MYT1L: variants seen among roughly 807,000 people sequenced by gnomAD.
MYT1L encodes myelin transcription factor 1-like protein.
In MYT1L, 12 loss-of-function variants were observed where a neutral mutation model predicts 126.7. The ratio of observed to expected loss-of-function variants is 0.09; its 90% CI spans 0.06 to 0.15. MYT1L has a LOEUF of 0.15. Ranked by LOEUF, MYT1L falls within the 10% of genes least tolerant of loss-of-function variation. The probability of loss-of-function intolerance (pLI) is 1.00; values close to 1 mark genes in which losing one functional copy is unlikely to be tolerated. For synonymous variants in MYT1L, 541 were observed against 604.2 expected, an observed-to-expected ratio of 0.90 and a Z score of 1.53; for missense variants, 979 against 1,585.2, an observed-to-expected ratio of 0.62 and a Z score of 6.49.
intron 18 of MYT1L, among the ~76,000 whole-genome samples, chr2:1,882,770 T>TG (rs1479183338): frequency 2.0e-5 from 3 of 152,208 alleles, no homozygotes; most frequent in African/African-American, 7.2e-5. Context: ...CAGGAGAGCC[T>TG]GGTAAATAAT....
In MYT1L at chr2:1,793,139, T is replaced by C. The variant is rs1346993220; in HGVS notation, c.3277-675A>G. Among the ~76,000 whole-genome samples the C allele has an allele frequency of 7.2e-5, 11 of 152,192 alleles. No homozygotes were observed. The highest frequency in any genetic ancestry group is 7.2e-4 in the Admixed American group (11 of 15,280). ...TTCTGTGTGGAGGTGTCACTGTGTC[T>C]TCAGATGGCACCAGGCTGGCACTGT... On this transcript the variant is annotated intron_variant, in intron 23 of 24. Transcript: ENST00000647738. This position sits in a 1 kb window ranked among gnomAD's most constrained non-coding sequence, Gnocchi z 4.6.
Position 2,331,016 on chromosome 2 carries a change from T to C in MYT1L, c.-570A>G, listed in dbSNP as rs769518851. 1.3e-5 allele frequency: 2 copies of C among 152,146 alleles called. No individual in the cohort carries two copies. Among genetic ancestry groups the C allele is most frequent in the African/African-American group, 2.4e-5 (1 of 41,436 alleles). 9.4% of individuals were successfully genotyped at this position (152,146 alleles called of 1,614,324 possible). On this transcript the variant is annotated 5_prime_UTR_variant, in exon 1 of 25. Coordinates refer to ENST00000647738, the MANE Select transcript of MYT1L (RefSeq NM_001303052.2). ...AAGCGAAAGACAAGTTCAATTTTGG[T>C]AACTGTGCTGGCTCAAAATACACAG...
intron 18 of MYT1L, among the ~76,000 whole-genome samples, chr2:1,878,882 T>G (rs13017016): frequency 6.6e-6 from 1 of 152,170 alleles, no homozygotes; most frequent in Non-Finnish European, 1.5e-5. Context: ...CATTCATGAA[T>G]AGAAACATGT....
chr2:2,287,681 G>A (rs1011412143), intron 1 of MYT1L, among the ~76,000 whole-genome samples: 1 of 152,166 alleles, frequency 6.6e-6, no homozygotes, highest in Non-Finnish European at 1.5e-5. Context: ...TTATTTCTCA[G>A]TAAGAGCTTG....
chr2:2,330,381 C>G (rs1031147985), intron 1 of MYT1L, among the ~76,000 whole-genome samples: 1 of 152,028 alleles, frequency 6.6e-6, no homozygotes, highest in African/African-American at 2.4e-5. Context: ...TATCTTAAAA[C>G]TAAAGTGTAG....
In MYT1L at chr2:1,801,515, C is replaced by T. The variant is rs2147910714; in HGVS notation, c.3276+181G>A. On this transcript the variant is annotated intron_variant, in intron 23 of 24. Coordinates refer to ENST00000647738, the MANE Select transcript of MYT1L (RefSeq NM_001303052.2). The surrounding 1 kb of genome is among the most constrained non-coding windows in gnomAD (Gnocchi z 4.2). Reference sequence around the variant, plus strand: ...AACGAGAGAACCACGGCCCCTGCTACAGCGAACACTGCCACGGAATGGTGT... The same window carrying T: ...AACGAGAGAACCACGGCCCCTGCTATAGCGAACACTGCCACGGAATGGTGT... The T allele has an allele frequency of 3.8e-6, 2 of 529,984 alleles. No homozygotes were observed. Among genetic ancestry groups the T allele is most frequent in the Admixed American group, 3.7e-5 (1 of 26,670 alleles). 32.8% of individuals were successfully genotyped at this position (529,984 alleles called of 1,614,324 possible). A position where few individuals can be genotyped will look rare whatever the true frequency, so the allele number is the denominator to read the frequency against.
chr2:1,947,960 G>A (rs1399411449), intron 8 of MYT1L, among the ~76,000 whole-genome samples: 1 of 152,222 alleles, frequency 6.6e-6, no homozygotes, highest in African/African-American at 2.4e-5. Context: ...TGAGCTCCAG[G>A]CTTGGTGTTG....
intron 14 of MYT1L, among the ~76,000 whole-genome samples, chr2:1,898,697 G>T (rs995935861): frequency 6.6e-6 from 1 of 152,230 alleles, no homozygotes; most frequent in African/African-American, 2.4e-5. Flanking sequence ...CTCCATGGAC[G>T]CAGGCAGCTG....
intron 8 of MYT1L, among the ~76,000 whole-genome samples, chr2:1,960,348 G>A (rs571507605): frequency 6.6e-6 from 1 of 152,352 alleles, no homozygotes; most frequent in Non-Finnish European, 1.5e-5. Flanking sequence ...ACCAAGGACA[G>A]GGCGGGGGAC....
At chr2:1,817,222 C>T (rs142642974) in intron 21 of MYT1L, among the ~76,000 whole-genome samples, 52 of 152,324 alleles carry the variant, frequency 3.4e-4, no homozygotes, top group African/African-American at 2.9e-4. Flanking sequence ...AAGTTATGTG[C>T]GGTTAATTAA....
At chr2:2,173,630 A>C (rs1033333738) in intron 2 of MYT1L, among the ~76,000 whole-genome samples, 1 of 152,244 alleles carries the variant, frequency 6.6e-6, no homozygotes, top group African/African-American at 2.4e-5. Context: ...GTCTACTATC[A>C]AAGAGAGAAT....
At position 2,206,640 on chromosome 2, in the gene MYT1L, C is replaced by G. The variant is rs560829581; in HGVS notation, c.-420-33652G>C. On this transcript the variant is annotated intron_variant, in intron 2 of 24. Transcript: ENST00000647738. ...TGCATAAGAGAAAAGAGGAGCATTTCTTAGTCTGTCCTTTAATACAGACAA... is the reference window on the plus strand; with the variant it reads ...TGCATAAGAGAAAAGAGGAGCATTTGTTAGTCTGTCCTTTAATACAGACAA... Among the ~76,000 whole-genome samples, 3 of 152,332 alleles carry G rather than the reference C, an allele frequency of 2.0e-5. No individual in the cohort carries two copies. The South Asian group carries it at 6.2e-4, about 32-fold the overall frequency.
chr2:1,993,410 T>C (rs1374391247), intron 5 of MYT1L, among the ~76,000 whole-genome samples: 3 of 152,188 alleles, frequency 2.0e-5, no homozygotes, highest in African/African-American at 7.2e-5. Flanking sequence ...GCAGGCTCTT[T>C]GTATATTTAT....
At chr2:2,067,692 GAATT>G (rs1453269004) in intron 3 of MYT1L, among the ~76,000 whole-genome samples, 1 of 152,014 alleles carries the variant, frequency 6.6e-6, no homozygotes, top group Non-Finnish European at 1.5e-5. Flanking sequence ...AAGAAAAGAT[GAATT>G]AATTTGAAAA....
In MYT1L at chr2:1,809,182, C is replaced by T; in HGVS notation, c.3081-15G>A. The T allele has an allele frequency of 6.2e-7, 1 of 1,612,846 alleles. No individual in the cohort carries two copies. The highest frequency in any genetic ancestry group is 8.5e-7 in the Non-Finnish European group (1 of 1,178,818). On this transcript the variant is annotated splice_polypyrimidine_tract_variant and intron_variant, in intron 21 of 24. Transcript: ENST00000647738. ...ATCCTGACAAGCTGTGGACAAGACA[C>T]AGGACGGCCATTAGTCAACTGTCTA...
At chr2:1,992,624 T>A (rs968336164) in intron 5 of MYT1L, among the ~76,000 whole-genome samples, 1 of 152,242 alleles carries the variant, frequency 6.6e-6, no homozygotes, top group Admixed American at 6.5e-5. Context: ...AGATCTGACT[T>A]AACCCACTCC....
chr2:2,216,202 G>C (rs946470194), intron 2 of MYT1L, among the ~76,000 whole-genome samples: 6 of 152,088 alleles, frequency 3.9e-5, no homozygotes, highest in African/African-American at 1.2e-4. Context: ...CCCAGTCTCA[G>C]GTATTTCTTT....
In MYT1L at chr2:1,791,714, A is replaced by T; in HGVS notation, c.*153T>A. On this transcript the variant is annotated 3_prime_UTR_variant, in exon 25 of 25. Coordinates refer to ENST00000647738, the MANE Select transcript of MYT1L (RefSeq NM_001303052.2). The surrounding 1 kb of genome is among the most constrained non-coding windows in gnomAD (Gnocchi z 6.0). ...AAACTATTCTGCAGGTACTATCTTT[A>T]AAGCAAGACATAAAATCATTATGAA... 1 of 758,514 alleles carries T rather than the reference A, an allele frequency of 1.3e-6. No homozygotes were observed. The highest frequency in any genetic ancestry group is 2.0e-6 in the Non-Finnish European group (1 of 500,876). 47.0% of individuals were successfully genotyped at this position (758,514 alleles called of 1,614,324 possible).
Position 1,929,233 on chromosome 2 carries a change from C to T in MYT1L, c.506-5970G>A, listed in dbSNP as rs780875944. 2.6e-4 allele frequency among the ~76,000 whole-genome samples: 39 copies of T among 152,218 alleles called. No individual in the cohort carries two copies. The highest frequency in any genetic ancestry group is 3.4e-3 in the Middle Eastern group (1 of 294). On this transcript the variant is annotated intron_variant, in intron 9 of 24. Coordinates refer to ENST00000647738, the MANE Select transcript of MYT1L (RefSeq NM_001303052.2). The surrounding 1 kb of genome is among the most constrained non-coding windows in gnomAD (Gnocchi z 4.7). ...CCTCTCCTAGGTGCGGCGCTGACCT[C>T]GGCGCCCCTCAGCTGCCGGCAGCAC... is the stretch of plus-strand genomic sequence containing the variant.
Sources: allele counts gnomAD v4.1 joint callset (sites outside exome capture counted in the v4.1 genomes callset), GRCh38; gene constraint gnomAD v4.1.1; non-coding constraint Gnocchi (gnomAD v3.1); transcripts MANE v1.5; gene names NCBI Gene and HGNC (gene_info 2026-07-23, HGNC 2026-07-21).